The following GRIN3A variants were observed in gnomAD, a reference collection of about 807,000 sequenced individuals.
The protein encoded by GRIN3A is glutamate receptor ionotropic, NMDA 3A.
A neutral mutation model predicts 92.4 loss-of-function variants in GRIN3A; 47 were observed. The observed-to-expected ratio is 0.51, with a 90% CI of 0.40 to 0.65. The LOEUF (loss-of-function observed/expected upper bound fraction) is 0.65. GRIN3A is among the 30% of genes least tolerant of loss of function. The pLI, the probability that GRIN3A is intolerant of heterozygous loss-of-function variation, is 0.00. For missense variants in GRIN3A, 1,324 were observed against 1,393.1 expected (o/e 0.95, Z 0.79); for synonymous variants, 527 against 540.6 (o/e 0.97, Z 0.35).
chr9:101,623,258 C>T, intron 5 of GRIN3A, 60 bp downstream of exon 5: 3 of 1,152,206 alleles, frequency 2.6e-6, no homozygotes, highest in Middle Eastern at 1.9e-4. Context: ...TTGTGACTTT[C>T]TAGGTTGGCA....
At chr9:101,615,922 G>A (rs1828445630) in intron 5 of GRIN3A, among the ~76,000 whole-genome samples, 1 of 152,170 alleles carries the variant, frequency 6.6e-6, no homozygotes, top group Non-Finnish European at 1.5e-5. Context: ...ATAGTAGCAA[G>A]TCCTCCTACA....
At chr9:101,593,108 T>C (rs1229506427) in intron 6 of GRIN3A, 3 of 152,214 alleles carry the variant, frequency 2.0e-5, no homozygotes, top group Non-Finnish European at 1.5e-5. Context: ...CAGTGATGTA[T>C]TTACTGGTAA....
chr9:101,639,441 G>A (rs184859352), intron 3 of GRIN3A, among the ~76,000 whole-genome samples: 1 of 152,226 alleles, frequency 6.6e-6, no homozygotes, highest in African/African-American at 2.4e-5. Flanking sequence ...ACTTCAAGGT[G>A]AAAAATGACC....
At position 101,670,071 on chromosome 9, in the gene GRIN3A, G is replaced by GTATTCCAGAAAGCTCTTCATAGATC. The variant is rs1253357332; in HGVS notation, c.2316_2340dup (p.His781AspfsTer3). 6.2e-7 allele frequency: 1 copy of GTATTCCAGAAAGCTCTTCATAGATC among 1,611,766 alleles called. No homozygotes were observed. Among genetic ancestry groups the GTATTCCAGAAAGCTCTTCATAGATC allele is most frequent in the Non-Finnish European group, 8.5e-7 (1 of 1,177,978 alleles). On this transcript the variant is annotated stop_gained and frameshift_variant, in exon 3 of 9. Coordinates refer to ENST00000361820, the MANE Select transcript of GRIN3A (RefSeq NM_133445.3). LOFTEE classifies it high-confidence loss of function. ...AAATGAAGTATTACCTTGGGGTCAT[G>GTATTCCAGAAAGCTCTTCATAGATC]TATTCCAGAAAGCTCTTCATAGATC...
intron 6 of GRIN3A, among the ~76,000 whole-genome samples, chr9:101,597,569 A>G (rs1828153369): frequency 6.6e-6 from 1 of 152,182 alleles, no homozygotes; most frequent in African/African-American, 2.4e-5. Flanking sequence ...ATTATTTGCT[A>G]AAATATCCCT....
chr9:101,713,505 T>G (rs1749287804), intron 1 of GRIN3A, among the ~76,000 whole-genome samples: 1 of 152,198 alleles, frequency 6.6e-6, no homozygotes, highest in African/African-American at 2.4e-5. Context: ...GTAGAGGAAC[T>G]GTGTATCAGA....
chr9:101,692,795 A>C (rs1311686307), intron 1 of GRIN3A, among the ~76,000 whole-genome samples: 2 of 152,182 alleles, frequency 1.3e-5, no homozygotes, highest in Non-Finnish European at 2.9e-5. Flanking sequence ...ATTATACAGA[A>C]GACTTTTTCT....
At chr9:101,679,176 G>A (rs1829437377) in intron 2 of GRIN3A, among the ~76,000 whole-genome samples, 1 of 152,186 alleles carries the variant, frequency 6.6e-6, no homozygotes, top group South Asian at 2.1e-4. Flanking sequence ...GATTGAAGTG[G>A]TCTTGAGAGA....
chr9:101,703,364 C>A (rs894853937), intron 1 of GRIN3A, among the ~76,000 whole-genome samples: 10 of 152,140 alleles, frequency 6.6e-5, no homozygotes, highest in Non-Finnish European at 1.3e-4. Context: ...GATCACTATG[C>A]GGCTGATTCT....
intron 6 of GRIN3A, among the ~76,000 whole-genome samples, chr9:101,599,738 G>A (rs533960367): frequency 3.3e-5 from 5 of 152,058 alleles, no homozygotes; most frequent in Admixed American, 2.0e-4. Context: ...TCAAACCAAC[G>A]GAAATGGAAA....
intron 6 of GRIN3A, among the ~76,000 whole-genome samples, chr9:101,596,916 A>T (rs1038793286): frequency 6.6e-6 from 1 of 152,210 alleles, no homozygotes; most frequent in Non-Finnish European, 1.5e-5. Flanking sequence ...TTTGAAAATG[A>T]TTGAGAGCTT....
At chr9:101,693,563 T>C (rs1351488125) in intron 1 of GRIN3A, among the ~76,000 whole-genome samples, 1 of 152,160 alleles carries the variant, frequency 6.6e-6, no homozygotes, top group African/African-American at 2.4e-5. Context: ...GATTTAATAA[T>C]TTCCAATTAT....
Position 101,571,055 on chromosome 9 carries a change from G to GTACAA in GRIN3A, c.*2118_*2119insTTGTA, listed in dbSNP as rs1159591790. ...CCAGCATTCTTAGCTGGTACAAGTG[G>GTACAA]GTGGGGATGGCTAAGGGGCAAAATC... On this transcript the variant is annotated 3_prime_UTR_variant, in exon 9 of 9. Coordinates refer to ENST00000361820, the MANE Select transcript of GRIN3A (RefSeq NM_133445.3). The GTACAA allele has an allele frequency of 1.3e-5, 2 of 152,278 alleles. No individual in the cohort carries two copies. Among genetic ancestry groups the GTACAA allele is most frequent in the East Asian group, 3.9e-4 (2 of 5,174 alleles). The allele number at this position is 152,278 out of a possible 1,614,324, so 9.4% of individuals were successfully genotyped here. A position where few individuals can be genotyped will look rare whatever the true frequency, so the allele number is the denominator to read the frequency against.
At chr9:101,666,829 G>A (rs1044985571) in intron 3 of GRIN3A, among the ~76,000 whole-genome samples, 1 of 151,966 alleles carries the variant, frequency 6.6e-6, no homozygotes, top group Admixed American at 6.6e-5. Flanking sequence ...TGATTGGAAT[G>A]CAATATTTCT....
chr9:101,643,589 T>C (rs192030202), intron 3 of GRIN3A, among the ~76,000 whole-genome samples: 58 of 152,032 alleles, frequency 3.8e-4, no homozygotes, highest in Non-Finnish European at 3.5e-4. Context: ...CTTGAAGAAA[T>C]ATCTCTACTT....
At chr9:101,712,981 GGTGAC>G (rs1829898502) in intron 1 of GRIN3A, among the ~76,000 whole-genome samples, 1 of 152,164 alleles carries the variant, frequency 6.6e-6, no homozygotes, top group African/African-American at 2.4e-5. Context: ...AGAGAGCTTA[GGTGAC>G]TTAATCATTG....
In GRIN3A at chr9:101,738,325, G is replaced by A. The variant is rs891316392; in HGVS notation, c.-346C>T. The A allele has an allele frequency of 3.0e-6, 1 of 338,572 alleles. No individual in the cohort carries two copies. The highest frequency in any genetic ancestry group is 5.4e-6 in the Non-Finnish European group (1 of 184,312). The allele number at this position is 338,572 out of a possible 1,614,324, so 21.0% of individuals were successfully genotyped here. A position where few individuals can be genotyped will look rare whatever the true frequency, so the allele number is the denominator to read the frequency against. On this transcript the variant is annotated 5_prime_UTR_variant, in exon 1 of 9. Coordinates refer to ENST00000361820, the MANE Select transcript of GRIN3A (RefSeq NM_133445.3). ...CCTCGGGCACTGCGTCCGGCCCCGCGAGGCGGCCGGGATGAGAAGCAGCCG... is the reference window on the plus strand; with the variant it reads ...CCTCGGGCACTGCGTCCGGCCCCGCAAGGCGGCCGGGATGAGAAGCAGCCG...
chr9:101,617,512 C>T (rs1307100693), intron 5 of GRIN3A, among the ~76,000 whole-genome samples: 2 of 152,090 alleles, frequency 1.3e-5, no homozygotes, highest in South Asian at 2.1e-4. Flanking sequence ...TCACTCCACT[C>T]GATCATGTCT....
intron 1 of GRIN3A, among the ~76,000 whole-genome samples, chr9:101,700,812 A>G (rs1281576961): frequency 2.0e-5 from 3 of 152,206 alleles, no homozygotes; most frequent in African/African-American, 7.2e-5. Context: ...TATCCTAATG[A>G]AGTAAAAATA....
Sources: gnomAD v4.1 joint callset for allele counts (sites outside exome capture counted in the v4.1 genomes callset) on GRCh38, gnomAD v4.1.1 for gene constraint, MANE v1.5 for transcripts, NCBI Gene and HGNC (gene_info 2026-07-23, HGNC 2026-07-21) for gene names.